RTL4: variants seen among roughly 807,000 people sequenced by gnomAD.
RTL4 encodes retrotransposon Gag-like protein 4.
In RTL4, 4 loss-of-function variants were observed where a neutral mutation model predicts 5.3. The observed-to-expected ratio is 0.75, with a 90% CI of 0.37 to 1.72. The LOEUF is 1.72. Among genes scored for constraint, RTL4 ranks in the 40% most tolerant of loss-of-function variants. The pLI is 0.04. For missense variants in RTL4, 260 were observed against 227.1 expected, an observed-to-expected ratio of 1.14 and a Z score of -0.93; for synonymous variants, 98 against 87.3, an observed-to-expected ratio of 1.12 and a Z score of -0.68.
chrX:112,149,857 G>A, the RTL4 span, among the ~76,000 whole-genome samples: 1 of 111,504 alleles, frequency 9.0e-6, no homozygotes, highest in Non-Finnish European at 1.9e-5. Context: ...ACAAGGCAAG[G>A]GGGAAAGGGA....
At chrX:112,294,410 A>G in the RTL4 span, among the ~76,000 whole-genome samples, 1 of 111,298 alleles carries the variant, frequency 9.0e-6, no homozygotes, top group East Asian at 2.8e-4. Context: ...CAGCCTAACC[A>G]ACATGGTGAA....
At chrX:112,303,241 A>T in the RTL4 span, among the ~76,000 whole-genome samples, 8 of 111,801 alleles carry the variant, frequency 7.2e-5, no homozygotes, top group Admixed American at 3.8e-4. Flanking sequence ...AAATGATTGT[A>T]TACCAAACAC....
the RTL4 span, among the ~76,000 whole-genome samples, chrX:112,165,077 A>G: frequency 1.8e-5 from 2 of 111,290 alleles, no homozygotes; most frequent in African/African-American, 6.5e-5. Context: ...CTCTCCGCCA[A>G]TCAAATCCTA....
chrX:112,234,837 G>A, the RTL4 span, among the ~76,000 whole-genome samples: 1 of 111,974 alleles, frequency 8.9e-6, no homozygotes, highest in Non-Finnish European at 1.9e-5. Flanking sequence ...ATTTCATTAT[G>A]ATCAATTTGT....
the RTL4 span, among the ~76,000 whole-genome samples, chrX:112,240,494 T>C: frequency 9.0e-6 from 1 of 111,465 alleles, no homozygotes; most frequent in Non-Finnish European, 1.9e-5. Flanking sequence ...GGTAAAATAA[T>C]CTAACACAAA....
At chrX:112,359,554 T>C in the RTL4 span, among the ~76,000 whole-genome samples, 10 of 111,495 alleles carry the variant, frequency 9.0e-5, no homozygotes, top group African/African-American at 3.3e-4. Flanking sequence ...TTTATAAAGA[T>C]AGCTACATTT....
chrX:112,088,922 G>A, the RTL4 span, among the ~76,000 whole-genome samples: 1 of 111,111 alleles, frequency 9.0e-6, no homozygotes, highest in Non-Finnish European at 1.9e-5. Flanking sequence ...CTGTCCTTTT[G>A]TTGTTGAGTT....
chrX:112,166,101 T>C, the RTL4 span, among the ~76,000 whole-genome samples: 1 of 112,091 alleles, frequency 8.9e-6, no homozygotes, highest in Non-Finnish European at 1.9e-5. Flanking sequence ...ACAAAGGTGC[T>C]GATTAGCAAT....
the RTL4 span, among the ~76,000 whole-genome samples, chrX:112,358,762 A>T: frequency 2.1e-4 from 23 of 111,380 alleles, no homozygotes; most frequent in Non-Finnish European, 4.0e-4. Context: ...AAGACAAAGC[A>T]TTTTTTCCAG....
the RTL4 span, among the ~76,000 whole-genome samples, chrX:112,104,853 T>C: frequency 8.9e-6 from 1 of 112,086 alleles, no homozygotes; most frequent in Non-Finnish European, 1.9e-5. Flanking sequence ...AGATTGTCTC[T>C]TCACATTGCT....
At chrX:112,457,441 G>A (rs1258949400), downstream of RTL4, among the ~76,000 whole-genome samples, 1 of 111,438 alleles carries the variant, frequency 9.0e-6, no homozygotes, top group Non-Finnish European at 1.9e-5. Context: ...GCTATTGAAC[G>A]TAGAGTGACT....
the RTL4 span, among the ~76,000 whole-genome samples, chrX:112,267,595 G>C: frequency 1.8e-5 from 2 of 111,524 alleles, no homozygotes; most frequent in African/African-American, 6.5e-5. Context: ...ACTATATAAT[G>C]ATGATTCCAA....
chrX:112,310,386 A>G, the RTL4 span, among the ~76,000 whole-genome samples: 4 of 20,122 alleles, frequency 2.0e-4, no homozygotes, highest in Non-Finnish European at 3.7e-4. Flanking sequence ...ATATATATAT[A>G]TATATATATA....
At chrX:112,423,198 G>GTGA in the RTL4 span, among the ~76,000 whole-genome samples, 1 of 110,391 alleles carries the variant, frequency 9.1e-6, no homozygotes. Flanking sequence ...CATGTGTCTG[G>GTGA]TGATAGATCA....
chrX:112,445,335 T>A, the RTL4 span, among the ~76,000 whole-genome samples: 5 of 112,607 alleles, frequency 4.4e-5, no homozygotes, highest in Non-Finnish European at 1.9e-5. Context: ...AAGAGACATG[T>A]TCCTTGAAAA....
chrX:112,131,685 A>G, the RTL4 span, among the ~76,000 whole-genome samples: 28 of 110,697 alleles, frequency 2.5e-4, no homozygotes, highest in African/African-American at 8.9e-4. Flanking sequence ...CAGGGGAGAG[A>G]GAGTGGGTGT....
At chrX:112,196,208 T>G in the RTL4 span, among the ~76,000 whole-genome samples, 1 of 112,001 alleles carries the variant, frequency 8.9e-6, no homozygotes, top group African/African-American at 3.2e-5. Flanking sequence ...ATTCTGTCAT[T>G]TCAAGAATGT....
chrX:112,088,837 CT>C, the RTL4 span, among the ~76,000 whole-genome samples: 18 of 112,228 alleles, frequency 1.6e-4, no homozygotes, highest in African/African-American at 5.5e-4. Flanking sequence ...TTTTCACATG[CT>C]TATGCACCTA....
chrX:112,166,191 C>T, the RTL4 span, among the ~76,000 whole-genome samples: 1 of 111,771 alleles, frequency 8.9e-6, no homozygotes, highest in Non-Finnish European at 1.9e-5. Context: ...AGTGTAGACT[C>T]TGAGTCCACT....
Sources: allele counts gnomAD v4.1 joint callset (sites outside exome capture counted in the v4.1 genomes callset), GRCh38; gene constraint gnomAD v4.1.1; transcripts MANE v1.5; gene names NCBI Gene and HGNC (gene_info 2026-07-23, HGNC 2026-07-21).